The following PFKFB3 variants were observed in gnomAD, a reference collection of about 807,000 sequenced individuals.
PFKFB3 encodes 6-phosphofructo-2-kinase/fructose-2,6-biphosphatase 3.
In PFKFB3, 33 loss-of-function variants were observed where a neutral mutation model predicts 68.0. The ratio of observed to expected loss-of-function variants is 0.49; its 90% confidence interval spans 0.37 to 0.65. The LOEUF (loss-of-function observed/expected upper bound fraction) is 0.65, where lower values mean the gene tolerates loss of function less well. Ranked by LOEUF, PFKFB3 falls within the 30% of genes least tolerant of loss-of-function variation. The pLI, the probability that PFKFB3 is intolerant of heterozygous loss-of-function variation, is 0.00. For missense variants in PFKFB3, 586 were observed against 712.2 expected (o/e 0.82, Z 2.02); for synonymous variants, 315 against 288.2 (o/e 1.09, Z -0.94).
At chr10:6,263,902 T>C in the PFKFB3 span, among the ~76,000 whole-genome samples, 1 of 152,222 alleles carries the variant, frequency 6.6e-6, no homozygotes, top group Admixed American at 6.5e-5. Context: ...GCCAGGCTGG[T>C]CTTGAACTTC....
rs1845516430 is a variant in PFKFB3 at position 6,228,610 on chromosome 10, C to T, written c.1515+2245C>T. ...CAGGTGCCATTAGCCTTAAAGCCCC[C>T]TCCTGCCCCAGGAGTGTCCTTTGTT... On this transcript the variant is annotated intron_variant, in intron 14 of 14. Transcript: ENST00000379775. This position sits in a 1 kb window ranked among gnomAD's most constrained non-coding sequence, Gnocchi z 4.5. 6.6e-6 allele frequency among the ~76,000 whole-genome samples: 1 copy of T among 152,146 alleles called. No homozygotes were observed. The highest frequency in any genetic ancestry group is 2.1e-4 in the South Asian group (1 of 4,830).
At chr10:6,146,114 C>A in intron 1 of PFKFB3, 1 of 530,048 alleles carries the variant, frequency 1.9e-6, no homozygotes, top group Non-Finnish European at 2.4e-6. Flanking sequence ...CCTGGGCACA[C>A]TAAGGACGTT....
the PFKFB3 span, among the ~76,000 whole-genome samples, chr10:6,280,829 G>T: frequency 6.6e-6 from 1 of 150,626 alleles, no homozygotes; most frequent in Admixed American, 6.6e-5. Context: ...GTAGTTTTTT[G>T]GGGGAACAGA....
intron 1 of PFKFB3, among the ~76,000 whole-genome samples, chr10:6,168,679 A>G (rs188397459): frequency 1.3e-5 from 2 of 152,320 alleles, no homozygotes; most frequent in East Asian, 1.9e-4. Context: ...ACCATTATGC[A>G]TGAGTTTAAC....
At chr10:6,184,712 T>A (rs1842822195) in intron 1 of PFKFB3, among the ~76,000 whole-genome samples, 1 of 151,166 alleles carries the variant, frequency 6.6e-6, no homozygotes, top group South Asian at 2.1e-4. Context: ...CCTCAGGTGA[T>A]CCACCTGCCT....
chr10:6,269,470 G>A, the PFKFB3 span, among the ~76,000 whole-genome samples: 1 of 152,150 alleles, frequency 6.6e-6, no homozygotes. Context: ...GGATGATTTG[G>A]TCTTGTCTTA....
chr10:6,176,641 C>T (rs569950315), intron 1 of PFKFB3, among the ~76,000 whole-genome samples: 1 of 152,320 alleles, frequency 6.6e-6, no homozygotes, highest in East Asian at 1.9e-4. Context: ...CTGCCTTGGC[C>T]ACCCAAAGCA....
the PFKFB3 span, among the ~76,000 whole-genome samples, chr10:6,318,801 C>T: frequency 0.033 from 5,089 of 152,208 alleles, 270 homozygotes; most frequent in African/African-American, 0.11. Flanking sequence ...ACTCTGGCCA[C>T]GGGACCAGCT....
At chr10:6,180,659 C>T (rs1043989580) in intron 1 of PFKFB3, among the ~76,000 whole-genome samples, 15 of 152,124 alleles carry the variant, frequency 9.9e-5, no homozygotes, top group African/African-American at 3.6e-4. Context: ...GAGATGGGGT[C>T]TTGCTATGTT....
intron 14 of PFKFB3, among the ~76,000 whole-genome samples, chr10:6,230,619 A>G (rs754062953): frequency 8.6e-5 from 13 of 151,700 alleles, no homozygotes; most frequent in Non-Finnish European, 1.6e-4. Context: ...CAGCCTTTGG[A>G]TACCCTCCTG....
intron 14 of PFKFB3, among the ~76,000 whole-genome samples, chr10:6,252,915 A>T (rs918792393): frequency 1.3e-5 from 2 of 151,932 alleles, no homozygotes; most frequent in Non-Finnish European, 2.9e-5. Flanking sequence ...TTATATTTAG[A>T]TCTTTTTTTG....
chr10:6,273,384 G>A, the PFKFB3 span, among the ~76,000 whole-genome samples: 3 of 152,080 alleles, frequency 2.0e-5, no homozygotes, highest in Non-Finnish European at 2.9e-5. Flanking sequence ...TTGCCTTCCC[G>A]AGAACGCCTG....
chr10:6,273,473 G>C, the PFKFB3 span, among the ~76,000 whole-genome samples: 1 of 152,104 alleles, frequency 6.6e-6, no homozygotes, highest in Non-Finnish European at 1.5e-5. Context: ...CAAACCTTGA[G>C]GGGGCTGTCG....
the PFKFB3 span, among the ~76,000 whole-genome samples, chr10:6,265,342 A>C: frequency 2.0e-5 from 3 of 152,118 alleles, no homozygotes; most frequent in East Asian, 5.8e-4. Flanking sequence ...CAACCTCCCA[A>C]AGTGCTGGGA....
the PFKFB3 span, among the ~76,000 whole-genome samples, chr10:6,307,568 T>C: frequency 8.4e-6 from 1 of 118,900 alleles, no homozygotes; most frequent in African/African-American, 3.0e-5. Context: ...CTTCCTTCCT[T>C]CCTCCTTCTC....
chr10:6,188,215 G>A (rs618982), intron 1 of PFKFB3, among the ~76,000 whole-genome samples: 101,712 of 151,514 alleles, frequency 0.67, 36,819 homozygotes, highest in Non-Finnish European at 0.8. Flanking sequence ...TCCTCAAAAC[G>A]AGCACAGTAT....
At chr10:6,299,419 G>T in the PFKFB3 span, among the ~76,000 whole-genome samples, 1 of 152,190 alleles carries the variant, frequency 6.6e-6, no homozygotes. Context: ...TCACTGGCAC[G>T]TGCTGGGTCC....
chr10:6,233,163 G>T lies in PFKFB3; in HGVS notation c.*221G>T. ...GGTCCCTGGCGCCCTGCCTTTAGCCGTGGGGCCCCCACCTCCACTCTCTGG... is the reference window on the plus strand; with the variant it reads ...GGTCCCTGGCGCCCTGCCTTTAGCCTTGGGGCCCCCACCTCCACTCTCTGG... On this transcript the variant is annotated 3_prime_UTR_variant, in exon 15 of 15. Coordinates refer to ENST00000379775, the MANE Select transcript of PFKFB3 (RefSeq NM_004566.4). 1 of 538,306 alleles carries T rather than the reference G, an allele frequency of 1.9e-6. No homozygotes were observed. Among genetic ancestry groups the T allele is most frequent in the Non-Finnish European group, 3.3e-6 (1 of 300,732 alleles). The allele number at this position is 538,306 out of a possible 1,614,324, so 33.3% of individuals were successfully genotyped here.
chr10:6,264,098 A>G, the PFKFB3 span, among the ~76,000 whole-genome samples: 2 of 152,260 alleles, frequency 1.3e-5, no homozygotes, highest in South Asian at 4.1e-4. Flanking sequence ...TTTTCCCCAT[A>G]TCGAATTGAC....
Sources: allele counts gnomAD v4.1 joint callset (sites outside exome capture counted in the v4.1 genomes callset), GRCh38; gene constraint gnomAD v4.1.1; non-coding constraint Gnocchi (gnomAD v3.1); transcripts MANE v1.5; gene names NCBI Gene and HGNC (gene_info 2026-07-23, HGNC 2026-07-21).